MACROD2: variants seen among roughly 807,000 people sequenced by gnomAD.
MACROD2 encodes mono-ADP ribosylhydrolase 2.
MACROD2 carries 36 observed loss-of-function variants against 70.4 expected under a neutral mutation model. That is an observed-to-expected ratio of 0.51 (90% confidence interval 0.39 to 0.68). The LOEUF (loss-of-function observed/expected upper bound fraction) is 0.68, where lower values mean the gene tolerates loss of function less well. Among genes scored for constraint, MACROD2 ranks in the 30% least tolerant of loss-of-function variants. The probability of loss-of-function intolerance (pLI) is 0.00; values close to 1 mark genes in which losing one functional copy is unlikely to be tolerated. For missense variants in MACROD2, 496 were observed against 538.4 expected (o/e 0.92, Z 0.78); for synonymous variants, 172 against 178.8 (o/e 0.96, Z 0.30).
intron 5 of MACROD2, among the ~76,000 whole-genome samples, chr20:15,053,160 C>T (rs191176123): frequency 9.8e-5 from 15 of 152,290 alleles, no homozygotes; most frequent in South Asian, 2.1e-4. Context: ...CAGGTAAAGC[C>T]GCAAGTGCTG....
intron 8 of MACROD2, among the ~76,000 whole-genome samples, chr20:15,679,087 A>C (rs188941676): frequency 9.9e-5 from 15 of 152,198 alleles, no homozygotes; most frequent in Admixed American, 9.2e-4. Flanking sequence ...AAATACAAAA[A>C]TTAGCTGGGT....
intron 3 of MACROD2, among the ~76,000 whole-genome samples, chr20:14,266,927 T>C (rs6042631): frequency 1 from 151,642 of 152,256 alleles, 75,516 homozygotes; most frequent in East Asian, 1. Flanking sequence ...CAGTATTTTT[T>C]AGCATGGATA....
At chr20:14,896,527 GA>G (rs1430422439) in intron 5 of MACROD2, among the ~76,000 whole-genome samples, 1 of 152,042 alleles carries the variant, frequency 6.6e-6, no homozygotes, top group Non-Finnish European at 1.5e-5. Context: ...AGCAGGTCAT[GA>G]ACTCAGACCT....
intron 5 of MACROD2, among the ~76,000 whole-genome samples, chr20:15,155,787 G>A (rs1250440596): frequency 1.3e-5 from 2 of 151,998 alleles, no homozygotes; most frequent in Admixed American, 1.3e-4. Context: ...GACATAGGTG[G>A]TGATCTTCCT....
intron 3 of MACROD2, among the ~76,000 whole-genome samples, chr20:14,286,602 C>T (rs1330582178): frequency 3.3e-5 from 5 of 152,026 alleles, no homozygotes; most frequent in Non-Finnish European, 7.4e-5. Flanking sequence ...TTATGTACTT[C>T]ATAGAGTAGA....
chr20:14,253,749 C>G (rs2082030671), intron 3 of MACROD2, among the ~76,000 whole-genome samples: 1 of 152,028 alleles, frequency 6.6e-6, no homozygotes, highest in Non-Finnish European at 1.5e-5. Context: ...TTTTCTGAGT[C>G]AAAGGATGAG....
intron 8 of MACROD2, among the ~76,000 whole-genome samples, chr20:15,662,886 G>A (rs2049841602): frequency 6.6e-6 from 1 of 152,118 alleles, no homozygotes; most frequent in African/African-American, 2.4e-5. Flanking sequence ...CATTCAGAGT[G>A]GGAAAATGCT....
chr20:14,539,284 T>G (rs1410119762), intron 4 of MACROD2, among the ~76,000 whole-genome samples: 2 of 152,212 alleles, frequency 1.3e-5, no homozygotes, highest in Non-Finnish European at 2.9e-5. Flanking sequence ...AAGCAGTTGT[T>G]CCCACATACA....
chr20:15,563,540 A>C (rs867502557), intron 8 of MACROD2, among the ~76,000 whole-genome samples: 14 of 152,338 alleles, frequency 9.2e-5, no homozygotes, highest in Non-Finnish European at 1.5e-4. Context: ...TCTTAAAAGA[A>C]AGACTATAAA....
chr20:15,974,122 G>A (rs1429250482), intron 13 of MACROD2, among the ~76,000 whole-genome samples: 1 of 152,080 alleles, frequency 6.6e-6, no homozygotes, highest in East Asian at 1.9e-4. Flanking sequence ...ACAGACCCAA[G>A]TAGATCTGGG....
chr20:14,613,139 A>C (rs1983272844), intron 4 of MACROD2, among the ~76,000 whole-genome samples: 1 of 152,118 alleles, frequency 6.6e-6, no homozygotes, highest in Non-Finnish European at 1.5e-5. Context: ...GGTATAGTGG[A>C]AATTGTATTA....
intron 5 of MACROD2, among the ~76,000 whole-genome samples, chr20:14,831,129 G>A (rs868091705): frequency 1.3e-5 from 2 of 152,010 alleles, no homozygotes; most frequent in East Asian, 1.9e-4. Context: ...CCACTGGGAG[G>A]AACTGGCCAC....
chr20:15,513,920 A>G (rs1462524328), intron 8 of MACROD2, among the ~76,000 whole-genome samples: 1 of 152,226 alleles, frequency 6.6e-6, no homozygotes, highest in East Asian at 1.9e-4. Flanking sequence ...TCACCTAGTG[A>G]TGTTCTGATG....
At chr20:15,858,785 C>T (rs1003616953) in intron 8 of MACROD2, among the ~76,000 whole-genome samples, 77 of 152,082 alleles carry the variant, frequency 5.1e-4, no homozygotes, top group African/African-American at 1.7e-3. Context: ...AGCGAGGCTC[C>T]CAAGAAGACC....
intron 5 of MACROD2, among the ~76,000 whole-genome samples, chr20:14,991,235 C>T (rs752799328): frequency 6.6e-6 from 1 of 152,076 alleles, no homozygotes; most frequent in African/African-American, 2.4e-5. Context: ...CCCCATTTCC[C>T]AACTGTTTGA....
chr20:14,719,828 G>C (rs2071443244), intron 5 of MACROD2, among the ~76,000 whole-genome samples: 1 of 152,170 alleles, frequency 6.6e-6, no homozygotes, highest in African/African-American at 2.4e-5. Flanking sequence ...CAGTGACCCT[G>C]CTCTCCATGT....
At chr20:15,042,876 C>T (rs2075366310) in intron 5 of MACROD2, among the ~76,000 whole-genome samples, 2 of 152,180 alleles carry the variant, frequency 1.3e-5, no homozygotes, top group South Asian at 4.1e-4. Flanking sequence ...GTAGTGACTA[C>T]TTTATTTTTC....
At chr20:15,293,410 G>C (rs2077558604) in intron 6 of MACROD2, among the ~76,000 whole-genome samples, 1 of 152,100 alleles carries the variant, frequency 6.6e-6, no homozygotes, top group Admixed American at 6.5e-5. Flanking sequence ...TTTTTCTAAA[G>C]TTACAGGAAC....
At chr20:14,297,881 A>G (rs543052917) in intron 3 of MACROD2, among the ~76,000 whole-genome samples, 1 of 152,004 alleles carries the variant, frequency 6.6e-6, no homozygotes, top group East Asian at 1.9e-4. Flanking sequence ...TCAAAGCTTC[A>G]AAGGACAGGC....
Sources: allele counts gnomAD v4.1 joint callset (sites outside exome capture counted in the v4.1 genomes callset), GRCh38; gene constraint gnomAD v4.1.1; transcripts MANE v1.5; gene names NCBI Gene and HGNC (gene_info 2026-07-23, HGNC 2026-07-21).